The following ABCG2 variants were observed in gnomAD, a reference collection of about 807,000 sequenced individuals.
The protein encoded by ABCG2 is ATP binding cassette subfamily G member 2 (JR blood group), also known as broad substrate specificity ATP-binding cassette transporter ABCG2.
In ABCG2, 80 loss-of-function variants were observed where a neutral mutation model predicts 73.5. The ratio of observed to expected loss-of-function variants is 1.09; its 90% confidence interval spans 0.91 to 1.31. ABCG2 has a LOEUF of 1.31. Among genes scored for constraint, ABCG2 ranks in the 50% most tolerant of loss-of-function variants. ABCG2 has a pLI of 0.00. For synonymous variants in ABCG2, 269 were observed against 282.4 expected (o/e 0.95, Z 0.48); for missense variants, 796 against 786.2 (o/e 1.01, Z -0.15).
intron 1 of ABCG2, among the ~76,000 whole-genome samples, chr4:88,143,103 G>T (rs1285453876): frequency 6.6e-6 from 1 of 152,084 alleles, no homozygotes; most frequent in East Asian, 1.9e-4. Flanking sequence ...ATCTAGAGAT[G>T]ATTTAAAGTA....
chr4:88,183,737 A>G (rs962470669), intron 1 of ABCG2, among the ~76,000 whole-genome samples: 1 of 152,018 alleles, frequency 6.6e-6, no homozygotes, highest in African/African-American at 2.4e-5. Flanking sequence ...CTTGATGCCA[A>G]AACCAGACAA....
At chr4:88,144,740 A>G (rs768513765) in intron 1 of ABCG2, among the ~76,000 whole-genome samples, 9 of 152,118 alleles carry the variant, frequency 5.9e-5, no homozygotes, top group Non-Finnish European at 1.2e-4. Context: ...TATAGGTGTG[A>G]GCCACTGCGC....
intron 1 of ABCG2, among the ~76,000 whole-genome samples, chr4:88,194,512 T>G (rs1728853680): frequency 8.0e-6 from 1 of 124,988 alleles, no homozygotes; most frequent in Non-Finnish European, 1.6e-5. Context: ...ATCTGGCCAC[T>G]GCACTCCAGC....
At chr4:88,102,944 C>T (rs937487070) in intron 10 of ABCG2, among the ~76,000 whole-genome samples, 5 of 152,120 alleles carry the variant, frequency 3.3e-5, no homozygotes, top group African/African-American at 7.2e-5. Flanking sequence ...GAGCTGCCCT[C>T]GGTCACCCAG....
At position 88,141,486 on chromosome 4, in the gene ABCG2, T is replaced by C. The variant is rs1335388700; in HGVS notation, c.-19-1472A>G. On this transcript the variant is annotated intron_variant, in intron 1 of 15. Coordinates refer to ENST00000237612, the MANE Select transcript of ABCG2 (RefSeq NM_004827.3). ...TCAGCACTAGGGAGACAAAATTTTG[T>C]TGGTGTTGAGTGCCTAACAGAGGAG... 2.0e-5 allele frequency among the ~76,000 whole-genome samples: 3 copies of C among 152,118 alleles called. No individual in the cohort carries two copies. The South Asian group carries it at 6.2e-4, about 32-fold the overall frequency.
At chr4:88,095,442 GA>G in intron 14 of ABCG2, 77 bp downstream of exon 14, 1 of 1,303,144 alleles carries the variant, frequency 7.7e-7, no homozygotes, top group East Asian at 2.3e-5. Context: ...CATGGTCAGG[GA>G]AATGAGATGA....
intron 11 of ABCG2, among the ~76,000 whole-genome samples, chr4:88,100,560 G>A (rs1435181417): frequency 6.6e-6 from 1 of 151,170 alleles, no homozygotes; most frequent in East Asian, 1.9e-4. Context: ...CGAGATGGGA[G>A]GACTGCGTAA....
intron 1 of ABCG2, among the ~76,000 whole-genome samples, chr4:88,149,319 T>C (rs569746544): frequency 6.6e-6 from 1 of 152,368 alleles, no homozygotes; most frequent in Non-Finnish European, 1.5e-5. Context: ...AAATCATAAA[T>C]GAAATTAGAC....
chr4:88,139,492 A>T (rs1039115194), intron 2 of ABCG2, among the ~76,000 whole-genome samples: 2 of 152,136 alleles, frequency 1.3e-5, no homozygotes, highest in Non-Finnish European at 2.9e-5. Context: ...TGACTTCATG[A>T]TCTGCCTGCC....
chr4:88,122,148 T>C (rs911840609), intron 5 of ABCG2, among the ~76,000 whole-genome samples: 13 of 152,004 alleles, frequency 8.6e-5, no homozygotes, highest in Non-Finnish European at 1.9e-4. Context: ...ACTGTACTTT[T>C]CCCATGGTAT....
At chr4:88,121,880 C>T in intron 5 of ABCG2, 88 bp from the exon 6 acceptor site, 2 of 1,255,332 alleles carry the variant, frequency 1.6e-6, no homozygotes, top group Non-Finnish European at 2.2e-6. Flanking sequence ...CTGTAAGAGA[C>T]ACTTTATCTC....
In ABCG2 at chr4:88,131,147, C is replaced by G. The variant is rs201006821; in HGVS notation, c.445G>C (p.Ala149Pro). The change falls in exon 5 of 16, where the codon GCA (alanine) becomes CCA (proline). Residue 149 changes from alanine (A) to proline (P), a missense_variant. Coordinates refer to ENST00000237612, the MANE Select transcript of ABCG2 (RefSeq NM_004827.3). ...NLQFSAALRL[A>P]TTMTNHEKNE... is the part of the protein sequence containing the mutation. ...TTTTCATGATTCGTCATAGTTGTTG[C>G]AAGCCGAAGAGCTGCTGAGAACTGT... The G allele has an allele frequency of 1.4e-5, 23 of 1,614,000 alleles. No homozygotes were observed. In the East Asian group the frequency reaches 4.9e-4, roughly 34 times the overall value.
intron 5 of ABCG2, among the ~76,000 whole-genome samples, chr4:88,124,420 T>A (rs376245824): frequency 6.6e-6 from 1 of 151,926 alleles, no homozygotes; most frequent in Admixed American, 6.6e-5. Context: ...AGGAGACCCA[T>A]CTCACATGAA....
At chr4:88,199,624 A>G (rs562874985) in intron 1 of ABCG2, among the ~76,000 whole-genome samples, 13 of 152,246 alleles carry the variant, frequency 8.5e-5, no homozygotes, top group Admixed American at 3.3e-4. Context: ...TAAAGAAGAA[A>G]TAGACTTTCT....
chr4:88,107,868 T>G (rs1265289086), intron 9 of ABCG2, among the ~76,000 whole-genome samples: 1 of 152,246 alleles, frequency 6.6e-6, no homozygotes, highest in Non-Finnish European at 1.5e-5. Context: ...AGGGAGTCCA[T>G]GCCTGCACTG....
At chr4:88,114,185 G>T (rs1560673126) in intron 8 of ABCG2, among the ~76,000 whole-genome samples, 1 of 151,882 alleles carries the variant, frequency 6.6e-6, no homozygotes, top group African/African-American at 2.4e-5. Context: ...TATTTAAAAA[G>T]AGAAAAAGAA....
At chr4:88,126,364 A>G (rs1394172138) in intron 5 of ABCG2, among the ~76,000 whole-genome samples, 1 of 152,256 alleles carries the variant, frequency 6.6e-6, no homozygotes, top group African/African-American at 2.4e-5. Context: ...AGGAGCTGGT[A>G]CCATTCCTTC....
chr4:88,132,563 C>T lies in ABCG2; in HGVS notation c.263+13G>A. The T allele has an allele frequency of 6.2e-7, 1 of 1,614,076 alleles. No homozygotes were observed. The highest frequency in any genetic ancestry group is 2.2e-5 in the East Asian group (1 of 44,876). On this transcript the variant is annotated intron_variant, in intron 3 of 15. Coordinates refer to ENST00000237612, the MANE Select transcript of ABCG2 (RefSeq NM_004827.3). ...TGCACAGAAAACGCTTACTTATACTCTCTTATACTCACGAAGATTTGCCTC... is the reference window on the plus strand; with the variant it reads ...TGCACAGAAAACGCTTACTTATACTTTCTTATACTCACGAAGATTTGCCTC...
At chr4:88,206,193 C>T (rs1482744655) in intron 1 of ABCG2, among the ~76,000 whole-genome samples, 2 of 152,114 alleles carry the variant, frequency 1.3e-5, no homozygotes, top group African/African-American at 4.8e-5. Flanking sequence ...GCGCGGTGTC[C>T]TGTAATCCCA....
Sources: allele counts gnomAD v4.1 joint callset (sites outside exome capture counted in the v4.1 genomes callset), GRCh38; gene constraint gnomAD v4.1.1; transcripts MANE v1.5; gene names NCBI Gene and HGNC (gene_info 2026-07-23, HGNC 2026-07-21).